The following EPHB6 variants were observed in gnomAD, a reference collection of about 807,000 sequenced individuals.
EPHB6 encodes the protein ephrin type-B receptor 6.
In EPHB6, 51 loss-of-function variants were observed where a neutral mutation model predicts 107.0. The observed-to-expected ratio is 0.48, with a 90% CI of 0.38 to 0.60. The LOEUF is 0.60. Among genes scored for constraint, EPHB6 ranks in the 20% least tolerant of loss-of-function variants. EPHB6 has a pLI of 0.00. For missense variants in EPHB6, 1,141 were observed against 1,355.5 expected, an observed-to-expected ratio of 0.84 and a Z score of 2.48; for synonymous variants, 553 against 549.0, an observed-to-expected ratio of 1.01 and a Z score of -0.10.
Position 142,867,459 on chromosome 7 carries a change from T to C in EPHB6, c.1751-149T>C, listed in dbSNP as rs1794661956. The C allele has an allele frequency of 9.1e-5, 65 of 712,324 alleles. No homozygotes were observed. Among genetic ancestry groups the C allele is most frequent in the South Asian group, 8.4e-4 (56 of 66,860 alleles). The allele number at this position is 712,324 out of a possible 1,614,324, so 44.1% of individuals were successfully genotyped here. ...TGGGAGGGCTGTGGGCGTGTGTGTG[T>C]GTTGTGTGTCCCTGTGCATGGATGT... On this transcript the variant is annotated intron_variant, in intron 11 of 19. Coordinates refer to ENST00000652003, the MANE Select transcript of EPHB6 (RefSeq NM_004445.6). This position sits in a 1 kb window ranked among gnomAD's most constrained non-coding sequence, Gnocchi z 5.3.
intron 1 of EPHB6, among the ~76,000 whole-genome samples, chr7:142,857,749 C>T (rs1436129755): frequency 6.6e-6 from 1 of 152,252 alleles, no homozygotes; most frequent in Non-Finnish European, 1.5e-5. Context: ...CTGGGTTCCC[C>T]TCTGTCCCTT....
Position 142,867,505 on chromosome 7 carries a change from G to T in EPHB6, c.1751-103G>T, listed in dbSNP as rs555048881. 1.0e-6 allele frequency: 1 copy of T among 952,706 alleles called. No individual in the cohort carries two copies. The highest frequency in any genetic ancestry group is 1.6e-6 in the Non-Finnish European group (1 of 608,844). The allele number at this position is 952,706 out of a possible 1,614,324, so 59.0% of individuals were successfully genotyped here. A position where few individuals can be genotyped will look rare whatever the true frequency, so the allele number is the denominator to read the frequency against. On this transcript the variant is annotated intron_variant, in intron 11 of 19. Coordinates refer to ENST00000652003, the MANE Select transcript of EPHB6 (RefSeq NM_004445.6). This position sits in a 1 kb window ranked among gnomAD's most constrained non-coding sequence, Gnocchi z 5.3. Reference sequence around the variant, plus strand: ...GATGTGGGAGGTTTGGGGCATGCGCGTGCATGTTGTGTGTGCCTGTGGTGT... The same window carrying T: ...GATGTGGGAGGTTTGGGGCATGCGCTTGCATGTTGTGTGTGCCTGTGGTGT...
In EPHB6 at chr7:142,864,098, G is replaced by A. The variant is rs377536350; in HGVS notation, c.298G>A (p.Ala100Thr). 4.3e-5 allele frequency: 69 copies of A among 1,613,892 alleles called. No individual in the cohort carries two copies. The highest frequency in any genetic ancestry group is 5.6e-5 in the Non-Finnish European group (66 of 1,180,052). Residue 100 changes from alanine (A) to threonine (T), a missense_variant, in exon 7 of 20, where the codon GCC (alanine) becomes ACC (threonine). This residue lies in a region of EPHB6 where 221 missense variants were observed against 300.5 expected (regional missense o/e 0.74). Transcript: ENST00000652003. ...GACACACTTTGTGGAGCGGCGCGGG[G>A]CCCAGAGGGCGCACATTCGACTCCA... ...LQTHFVERRGAQRAHIRLHFS... is the reference protein window; with the variant it reads ...LQTHFVERRGTQRAHIRLHFS...
Position 142,866,990 on chromosome 7 carries a change from G to A in EPHB6, c.1672G>A (p.Gly558Ser), listed in dbSNP as rs2116454540. The A allele has an allele frequency of 1.2e-6, 2 of 1,614,022 alleles. No individual in the cohort carries two copies. Among genetic ancestry groups the A allele is most frequent in the Admixed American group, 1.7e-5 (1 of 60,014 alleles). Residue 558 changes from glycine (G) to serine (S), a missense_variant, in exon 11 of 20, where the codon GGT becomes AGT. Gly to Ser is a moderately conservative substitution (Grantham distance 56). Coordinates refer to ENST00000652003, the MANE Select transcript of EPHB6 (RefSeq NM_004445.6). The surrounding 1 kb of genome is among the most constrained non-coding windows in gnomAD (Gnocchi z 5.2). ...ACAGCTGAGCCCTGGCCACATCTATGGTTTCCAGGTGCGGGCCCGGACTGC... is the reference window on the plus strand; with the variant it reads ...ACAGCTGAGCCCTGGCCACATCTATAGTTTCCAGGTGCGGGCCCGGACTGC... ...VTQLSPGHIY[G>S]FQVRARTAAG...
chr7:142,859,717 T>G (rs187382456), intron 1 of EPHB6, among the ~76,000 whole-genome samples: 8 of 152,350 alleles, frequency 5.3e-5, no homozygotes, highest in Admixed American at 1.3e-4. Context: ...AGTATCCTTC[T>G]GGGTACTTTA....
rs573964960 is a variant in EPHB6 at position 142,868,004 on chromosome 7, C to T, written c.1873C>T (p.Arg625Cys). 18 of 1,580,198 alleles carry T rather than the reference C, an allele frequency of 1.1e-5. No individual in the cohort carries two copies. Among genetic ancestry groups the T allele is most frequent in the South Asian group, 3.5e-5 (3 of 86,880 alleles). Residue 625 changes from arginine to cysteine, a missense_variant, in exon 13 of 20, where the codon CGT (arginine) becomes TGT (cysteine). This residue lies in a region of EPHB6 where 616 missense variants were observed against 759.3 expected (regional missense o/e 0.81). Coordinates refer to ENST00000652003, the MANE Select transcript of EPHB6 (RefSeq NM_004445.6). The surrounding 1 kb of genome is among the most constrained non-coding windows in gnomAD (Gnocchi z 4.2). ...VLAVVFQRKRRGTGYTEQLQQ... is the reference protein window; with the variant it reads ...VLAVVFQRKRCGTGYTEQLQQ... Reference sequence around the variant, plus strand: ...CACCGTTTTGTTCCTCAGGAAGCGGCGTGGGACTGGCTACACAGAGCAGCT... The same window carrying T: ...CACCGTTTTGTTCCTCAGGAAGCGGTGTGGGACTGGCTACACAGAGCAGCT...
rs1449690298 is a variant in EPHB6, at chr7:142,855,158, G to A, written c.-659G>A. The A allele has an allele frequency of 6.6e-6, 1 of 151,996 alleles. No individual in the cohort carries two copies. Among genetic ancestry groups the A allele is most frequent in the Non-Finnish European group, 1.5e-5 (1 of 67,984 alleles). 9.4% of individuals were successfully genotyped at this position (151,996 alleles called of 1,614,324 possible). A position where few individuals can be genotyped will look rare whatever the true frequency, so the allele number is the denominator to read the frequency against. ...AGCTTGGCGACGGCGATCTCGACGC[G>A]GGCCCCCAGGATCTCCCGGCGCCCC... On this transcript the variant is annotated 5_prime_UTR_variant, in exon 1 of 20. Transcript: ENST00000652003. This position sits in a 1 kb window ranked among gnomAD's most constrained non-coding sequence, Gnocchi z 4.2.
At chr7:142,865,732 T>A in intron 8 of EPHB6, 102 bp downstream of exon 8, 1 of 1,499,896 alleles carries the variant, frequency 6.7e-7, no homozygotes, top group East Asian at 2.4e-5. Flanking sequence ...TGGAGTGACT[T>A]GTTTTTCCCC....
chr7:142,857,656 C>T (rs1482674036), intron 1 of EPHB6, among the ~76,000 whole-genome samples: 1 of 152,208 alleles, frequency 6.6e-6, no homozygotes, highest in Admixed American at 6.5e-5. Context: ...GACTCTGCAG[C>T]CTGCTTTGTC....
At position 142,871,057 on chromosome 7, in the gene EPHB6, GC is replaced by G; in HGVS notation, c.*158del. ...TCCCTGGTCCTCCGCCTCTCCACCA[GC>G]CCCCTCCTCATTAAAGGGAAAGAAG... On this transcript the variant is annotated 3_prime_UTR_variant, in exon 20 of 20. Transcript: ENST00000652003. 1.3e-6 allele frequency: 1 copy of G among 756,828 alleles called. No individual in the cohort carries two copies. The highest frequency in any genetic ancestry group is 2.0e-5 in the Admixed American group (1 of 49,300). 46.9% of individuals were successfully genotyped at this position (756,828 alleles called of 1,614,324 possible). A position where few individuals can be genotyped will look rare whatever the true frequency, so the allele number is the denominator to read the frequency against.
intron 1 of EPHB6, among the ~76,000 whole-genome samples, chr7:142,857,956 T>C (rs1802679625): frequency 6.6e-6 from 1 of 152,228 alleles, no homozygotes; most frequent in Non-Finnish European, 1.5e-5. Flanking sequence ...TTCTTATAGA[T>C]GAACATTTCT....
At chr7:142,870,483 C>T (rs375335689) in intron 18 of EPHB6, 47 bp from the exon 19 acceptor site, 2 of 1,614,022 alleles carry the variant, frequency 1.2e-6, no homozygotes, top group Non-Finnish European at 1.7e-6. Context: ...AGGAGAGGGG[C>T]TAAGATGAAG....
rs1803183359 is a variant in EPHB6 at position 142,866,280 on chromosome 7, C to G, written c.1426C>G (p.Gln476Glu). 1.2e-6 allele frequency: 2 copies of G among 1,614,052 alleles called. No homozygotes were observed. Among genetic ancestry groups the G allele is most frequent in the Non-Finnish European group, 1.7e-6 (2 of 1,179,998 alleles). Residue 476 changes from glutamine to glutamate, a missense_variant, in exon 9 of 20, where the codon CAG becomes GAG. Gln to Glu is a conservative substitution (Grantham distance 29). Around this residue, in one of 3 missense-constraint regions of EPHB6, gnomAD observed 616 missense variants for 759.3 expected, o/e 0.81. Coordinates refer to ENST00000652003, the MANE Select transcript of EPHB6 (RefSeq NM_004445.6). The surrounding 1 kb of genome is among the most constrained non-coding windows in gnomAD (Gnocchi z 5.2). ...GVSELSPDPPQAAAINVSTSH... is the reference protein window; with the variant it reads ...GVSELSPDPPEAAAINVSTSH... ...GTCTGAGCTCAGCCCTGACCCTCCT[C>G]AGGCTGCAGCCATCAATGTCAGCAC...
intron 1 of EPHB6, among the ~76,000 whole-genome samples, chr7:142,856,886 G>A (rs962191061): frequency 1.3e-5 from 2 of 152,220 alleles, no homozygotes; most frequent in African/African-American, 4.8e-5. Context: ...ATCTGCTCCC[G>A]CCCACCTCAT....
Position 142,864,307 on chromosome 7 carries a change from C to G in EPHB6, c.507C>G (p.Ser169=). 3 of 1,612,934 alleles carry G rather than the reference C, an allele frequency of 1.9e-6. No homozygotes were observed. The highest frequency in any genetic ancestry group is 2.5e-6 in the Non-Finnish European group (3 of 1,179,568). The change falls in exon 7 of 20, where the codon TCC becomes TCG. Residue 169 remains serine, a synonymous_variant. Transcript: ENST00000652003. Reference sequence around the variant, plus strand: ...ACGAGAGCTTTCCCTCCTCCTCCTCCTCCTCCTCCTCCTCTTCTTCCTCTG... The same window carrying G: ...ACGAGAGCTTTCCCTCCTCCTCCTCGTCCTCCTCCTCCTCTTCTTCCTCTG... ...AADESFPSSS[S]SSSSSSSSAA...
In EPHB6 at chr7:142,867,729, C is replaced by A. The variant is rs377006789; in HGVS notation, c.1865+7C>A. On this transcript the variant is annotated splice_region_variant and intron_variant, in intron 12 of 19. Transcript: ENST00000652003. This position sits in a 1 kb window ranked among gnomAD's most constrained non-coding sequence, Gnocchi z 5.3. ...TGGCGGTCGTCTTCCAGCGGTGAGT[C>A]CCCACCCCTGCCCAACTCTGCCCAG... 1.2e-6 allele frequency: 2 copies of A among 1,604,868 alleles called. No homozygotes were observed. Among genetic ancestry groups the A allele is most frequent in the South Asian group, 1.1e-5 (1 of 89,682 alleles).
rs541552138 is a variant in EPHB6, at chr7:142,866,118, G to T, written c.1264G>T (p.Gly422Trp). 5.1e-5 allele frequency: 82 copies of T among 1,613,390 alleles called. 1 individual carries two copies. The South Asian group carries it at 8.1e-4, about 16-fold the overall frequency. Residue 422 changes from glycine to tryptophan, a missense_variant, in exon 9 of 20, where the codon GGG becomes TGG. By Grantham distance (184) the Gly-to-Trp change is radical (BLOSUM62 -2). Transcript: ENST00000652003. This position sits in a 1 kb window ranked among gnomAD's most constrained non-coding sequence, Gnocchi z 5.2. ...EGRQEPASGG[G>W]GTCHRCRDEV... is the part of the protein sequence containing the mutation. The stretch of plus-strand genomic sequence containing the variant: ...CCGCCAGGAACCTGCCAGCGGTGGT[G>T]GGGGCACTTGTCACCGCTGCAGGGA...
In EPHB6 at chr7:142,866,141, G is replaced by T; in HGVS notation, c.1287G>T (p.Arg429Ser). The T allele has an allele frequency of 6.2e-7, 1 of 1,613,990 alleles. No individual in the cohort carries two copies. Among genetic ancestry groups the T allele is most frequent in the South Asian group, 1.1e-5 (1 of 91,050 alleles). Residue 429 changes from arginine to serine, a missense_variant, in exon 9 of 20, where the codon AGG becomes AGT. This residue lies in a region of EPHB6 where 304 missense variants were observed against 295.7 expected (regional missense o/e 1.03). Coordinates refer to ENST00000652003, the MANE Select transcript of EPHB6 (RefSeq NM_004445.6). This position sits in a 1 kb window ranked among gnomAD's most constrained non-coding sequence, Gnocchi z 5.2. ...SGGGGTCHRC[R>S]DEVHFDPRQR... The stretch of plus-strand genomic sequence containing the variant: ...GTGGGGGCACTTGTCACCGCTGCAG[G>T]GATGAGGTCCACTTCGACCCTCGCC...
In EPHB6 at chr7:142,864,025, T is replaced by C; in HGVS notation, c.225T>C (p.Cys75=). Residue 75 remains cysteine (C), a synonymous_variant, in exon 7 of 20, where the codon TGT becomes TGC. Coordinates refer to ENST00000652003, the MANE Select transcript of EPHB6 (RefSeq NM_004445.6). ...QRRLTRTFEA[C]HVAGAPPGTG... ...GCCTGACTCGGACCTTTGAGGCATG[T>C]CATGTGGCAGGGGCCCCTCCAGGCA... 6.2e-7 allele frequency: 1 copy of C among 1,614,180 alleles called. No individual in the cohort carries two copies. Among genetic ancestry groups the C allele is most frequent in the African/African-American group, 1.3e-5 (1 of 75,056 alleles).
Sources: allele counts gnomAD v4.1 joint callset (sites outside exome capture counted in the v4.1 genomes callset), GRCh38; gene constraint gnomAD v4.1.1; regional missense constraint gnomAD v4.1.1; non-coding constraint Gnocchi (gnomAD v3.1); transcripts MANE v1.5; gene names NCBI Gene and HGNC (gene_info 2026-07-23, HGNC 2026-07-21).